USP53: variants seen among roughly 807,000 people sequenced by gnomAD.
USP53 encodes ubiquitin specific peptidase 53.
Under a neutral mutation model 94.9 loss-of-function variants are expected in USP53, and 71 were observed. The observed-to-expected ratio is 0.75, with a 90% CI of 0.62 to 0.91. The LOEUF (loss-of-function observed/expected upper bound fraction) is 0.91, where lower values mean the gene tolerates loss of function less well. Ranked by LOEUF, USP53 falls within the 40% of genes least tolerant of loss-of-function variation. The pLI is 0.00. For missense variants in USP53, 1,173 were observed against 1,281.0 expected (o/e 0.92, Z 1.29); for synonymous variants, 375 against 422.7 (o/e 0.89, Z 1.39).
intron 7 of USP53, among the ~76,000 whole-genome samples, chr4:119,252,228 C>G (rs1245075110): frequency 6.6e-6 from 1 of 152,184 alleles, no homozygotes; most frequent in Non-Finnish European, 1.5e-5. Flanking sequence ...GCTTTGGTAT[C>G]AGGATGATGC....
intron 17 of USP53, among the ~76,000 whole-genome samples, chr4:119,276,155 G>A (rs1752610362): frequency 9.8e-6 from 1 of 101,660 alleles, no homozygotes; most frequent in South Asian, 3.5e-4. Flanking sequence ...AGTGGTGAGA[G>A]AGGGCATCCC....
In USP53 at chr4:119,269,736, C is replaced by A; in HGVS notation, c.1334C>A (p.Ser445Tyr). ...IDQREKIKDISRECALKAIEQ... is the reference protein window; with the variant it reads ...IDQREKIKDIYRECALKAIEQ... ...CAAAGGGAAAAGATAAAAGACATTT[C>A]CAGAGAATGTGCTCTGAAAGCTATT... The change falls in exon 15 of 19, where the codon TCC (serine) becomes TAC (tyrosine). Residue 445 changes from serine (S) to tyrosine (Y), a missense_variant. Transcript: ENST00000692078. 1 of 1,499,902 alleles carries A rather than the reference C, an allele frequency of 6.7e-7. No individual in the cohort carries two copies. The highest frequency in any genetic ancestry group is 8.9e-7 in the Non-Finnish European group (1 of 1,126,680). The allele number at this position is 1,499,902 out of a possible 1,614,324, so 92.9% of individuals were successfully genotyped here. A position where few individuals can be genotyped will look rare whatever the true frequency, so the allele number is the denominator to read the frequency against.
At chr4:119,253,157 G>T (rs182791042) in intron 7 of USP53, among the ~76,000 whole-genome samples, 1 of 151,080 alleles carries the variant, frequency 6.6e-6, no homozygotes, top group Non-Finnish European at 1.5e-5. Context: ...TTATGTGGTC[G>T]GTTTTAGATT....
At chr4:119,236,541 C>A (rs754890610) in intron 4 of USP53, among the ~76,000 whole-genome samples, 1 of 152,202 alleles carries the variant, frequency 6.6e-6, no homozygotes, top group East Asian at 1.9e-4. Context: ...TGGGGTGGAA[C>A]CCTGGCACTG....
Position 119,293,978 on chromosome 4 carries a change from G to A in USP53, c.*767G>A, listed in dbSNP as rs777839708. On this transcript the variant is annotated 3_prime_UTR_variant, in exon 19 of 19. Transcript: ENST00000692078. ...TCTAGTTAAGATAAATTAGGCCTTT[G>A]ACTATTATAGGTATTCATAAATGCT... is the stretch of plus-strand genomic sequence containing the variant. The A allele has an allele frequency of 3.3e-5, 5 of 152,052 alleles. No individual in the cohort carries two copies. Among genetic ancestry groups the A allele is most frequent in the African/African-American group, 7.2e-5 (3 of 41,420 alleles). The allele number at this position is 152,052 out of a possible 1,614,324, so 9.4% of individuals were successfully genotyped here.
intron 17 of USP53, among the ~76,000 whole-genome samples, chr4:119,289,239 T>A (rs1006294964): frequency 4.6e-5 from 7 of 152,148 alleles, no homozygotes; most frequent in African/African-American, 1.7e-4. Flanking sequence ...TTGTTACTGT[T>A]TCATCAAGCA....
At chr4:119,271,226 G>A (rs1751814151) in intron 15 of USP53, 70 bp from the exon 16 acceptor site, 3 of 1,498,574 alleles carry the variant, frequency 2.0e-6, no homozygotes, top group Non-Finnish European at 2.7e-6. Context: ...TCTCTAACAG[G>A]TATTTGCCTT....
In USP53 at chr4:119,271,921, A is replaced by G. The variant is rs950866084; in HGVS notation, c.2061A>G (p.Gly687=). 1.9e-6 allele frequency: 3 copies of G among 1,614,052 alleles called. No homozygotes were observed. The highest frequency in any genetic ancestry group is 2.7e-5 in the African/African-American group (2 of 74,936). Residue 687 remains glycine (G), a synonymous_variant, in exon 16 of 19, where the codon GGA becomes GGG. Coordinates refer to ENST00000692078, the MANE Select transcript of USP53 (RefSeq NM_001371395.1). ...DNWQMQRTES[G]YESSDHISNG... Reference sequence around the variant, plus strand: ...GGCAGATGCAAAGGACTGAGTCTGGATATGAAAGCAGTGATCACATCAGTA... The same window carrying G: ...GGCAGATGCAAAGGACTGAGTCTGGGTATGAAAGCAGTGATCACATCAGTA...
At chr4:119,215,434 TAAG>T (rs1261073620) in intron 2 of USP53, among the ~76,000 whole-genome samples, 1 of 152,124 alleles carries the variant, frequency 6.6e-6, no homozygotes, top group Non-Finnish European at 1.5e-5. Context: ...AAATTAATAA[TAAG>T]AATACCATAG....
At chr4:119,236,286 A>G (rs1355049093) in intron 4 of USP53, among the ~76,000 whole-genome samples, 1 of 152,246 alleles carries the variant, frequency 6.6e-6, no homozygotes, top group Non-Finnish European at 1.5e-5. Context: ...ATTGTTAGAA[A>G]ATGCTAATGA....
chr4:119,239,467 A>G lies in USP53; in HGVS notation c.-293A>G. 1 of 367,654 alleles carries G rather than the reference A, an allele frequency of 2.7e-6. No homozygotes were observed. The highest frequency in any genetic ancestry group is 4.8e-6 in the Non-Finnish European group (1 of 207,606). The allele number at this position is 367,654 out of a possible 1,614,324, so 22.8% of individuals were successfully genotyped here. On this transcript the variant is annotated 5_prime_UTR_variant, in exon 5 of 19. In the 5' UTR this introduces an upstream ATG that the reference lacks. Transcript: ENST00000692078. ...AGCCATTAAAAAAAATCGTTTTCATATTAACCTTATACAGCTCCCATAAAA... is the reference window on the plus strand; with the variant it reads ...AGCCATTAAAAAAAATCGTTTTCATGTTAACCTTATACAGCTCCCATAAAA...
chr4:119,250,657 A>C (rs1019747052), intron 7 of USP53, among the ~76,000 whole-genome samples: 2 of 152,260 alleles, frequency 1.3e-5, no homozygotes, highest in African/African-American at 4.8e-5. Context: ...CTAGGCTTAA[A>C]TTATTAAATG....
At position 119,256,110 on chromosome 4, in the gene USP53, G is replaced by A; in HGVS notation, c.373-136G>A. 2.3e-5 allele frequency: 14 copies of A among 603,712 alleles called. No homozygotes were observed. The South Asian group carries it at 3.2e-4, about 14-fold the overall frequency. 37.4% of individuals were successfully genotyped at this position (603,712 alleles called of 1,614,324 possible). On this transcript the variant is annotated intron_variant, in intron 7 of 18. Transcript: ENST00000692078. Reference sequence around the variant, plus strand: ...ACATTCGATCAAAGTGTTGATTAGAGAGGAAAGCTGAAAAGCTAACAATAT... The same window carrying A: ...ACATTCGATCAAAGTGTTGATTAGAAAGGAAAGCTGAAAAGCTAACAATAT...
At chr4:119,224,886 A>T (rs528929527) in intron 3 of USP53, among the ~76,000 whole-genome samples, 1 of 152,336 alleles carries the variant, frequency 6.6e-6, no homozygotes, top group East Asian at 1.9e-4. Flanking sequence ...CTAAGCTTTT[A>T]TCAGAAAACT....
At chr4:119,216,349 A>G (rs147525574) in intron 2 of USP53, among the ~76,000 whole-genome samples, 211 of 151,510 alleles carry the variant, frequency 1.4e-3, no homozygotes, top group African/African-American at 4.9e-3. Flanking sequence ...CCGTTGCTCT[A>G]CATCCTGGGC....
At chr4:119,230,991 G>A (rs879932558) in intron 3 of USP53, among the ~76,000 whole-genome samples, 6 of 152,180 alleles carry the variant, frequency 3.9e-5, no homozygotes, top group Non-Finnish European at 2.9e-5. Flanking sequence ...GCCCATGCAG[G>A]CTGTGTGAGT....
In USP53 at chr4:119,236,258, A is replaced by G. The variant is rs1057212030; in HGVS notation, c.-543+847A>G. ...CATTATTTCTAAAAAGACAATGTAT[A>G]TATCTTATTTAAAAACTATTGTTAG... On this transcript the variant is annotated intron_variant, in intron 4 of 18. Coordinates refer to ENST00000692078, the MANE Select transcript of USP53 (RefSeq NM_001371395.1). Among the ~76,000 whole-genome samples, 11 of 152,232 alleles carry G rather than the reference A, an allele frequency of 7.2e-5. No homozygotes were observed. In the South Asian group the frequency reaches 1.4e-3, roughly 20 times the overall value.
chr4:119,268,366 A>G lies in USP53; in HGVS notation c.1234A>G (p.Asn412Asp). ...QRENQKFPTDNISSSNRSHSH... is the reference protein window; with the variant it reads ...QRENQKFPTDDISSSNRSHSH... The stretch of plus-strand genomic sequence containing the variant: ...AGAAAATCAGAAATTTCCAACTGAT[A>G]ATATTTCATCATCTAATCGGAGCCA... The change falls in exon 14 of 19, where the codon AAT (asparagine) becomes GAT (aspartate). Residue 412 changes from asparagine to aspartate, a missense_variant. Transcript: ENST00000692078. 6.2e-7 allele frequency: 1 copy of G among 1,614,014 alleles called. No homozygotes were observed. The highest frequency in any genetic ancestry group is 8.5e-7 in the Non-Finnish European group (1 of 1,179,916).
intron 7 of USP53, among the ~76,000 whole-genome samples, chr4:119,251,368 T>C (rs1748979493): frequency 6.6e-6 from 1 of 152,186 alleles, no homozygotes; most frequent in South Asian, 2.1e-4. Context: ...TAAACATACC[T>C]GTGTATGTGT....
Sources: gnomAD v4.1 joint callset for allele counts (sites outside exome capture counted in the v4.1 genomes callset) on GRCh38, gnomAD v4.1.1 for gene constraint, MANE v1.5 for transcripts, NCBI Gene and HGNC (gene_info 2026-07-23, HGNC 2026-07-21) for gene names.